CDC42BPB: variants seen among roughly 807,000 people sequenced by gnomAD.
CDC42BPB encodes the protein serine/threonine-protein kinase MRCK beta.
A neutral mutation model predicts 214.9 loss-of-function variants in CDC42BPB; 37 were observed. That is an observed-to-expected ratio of 0.17 (90% CI 0.13 to 0.23). The LOEUF is 0.23. Among genes scored for constraint, CDC42BPB ranks in the 10% least tolerant of loss-of-function variants. The pLI is 1.00. For synonymous variants in CDC42BPB, 931 were observed against 884.0 expected (o/e 1.05, Z -0.94); for missense variants, 1,694 against 2,227.0 (o/e 0.76, Z 4.82).
chr14:103,049,267 A>G (rs934555643), intron 1 of CDC42BPB, among the ~76,000 whole-genome samples: 1 of 152,210 alleles, frequency 6.6e-6, no homozygotes, highest in Non-Finnish European at 1.5e-5. Context: ...GATCTTCTAT[A>G]GTAACATCCC....
rs1894973821 is a variant in CDC42BPB at position 103,001,387 on chromosome 14, C to T, written c.448-1674G>A. On this transcript the variant is annotated intron_variant, in intron 4 of 36. Coordinates refer to ENST00000361246, the MANE Select transcript of CDC42BPB (RefSeq NM_006035.4). This position sits in a 1 kb window ranked among gnomAD's most constrained non-coding sequence, Gnocchi z 5.8. ...ATGGAGAGCAGGCAGTGGTGAGCGC[C>T]AGCTGACCGCAGGCCGCCTGGTGAG... is the stretch of plus-strand genomic sequence containing the variant. Among the ~76,000 whole-genome samples the T allele has an allele frequency of 1.3e-5, 2 of 152,284 alleles. No individual in the cohort carries two copies. Among genetic ancestry groups the T allele is most frequent in the South Asian group, 4.1e-4 (2 of 4,824 alleles).
rs1020956100 is a variant in CDC42BPB at position 102,933,070 on chromosome 14, T to C, written c.*642A>G. On this transcript the variant is annotated 3_prime_UTR_variant, in exon 37 of 37. Transcript: ENST00000361246. The stretch of plus-strand genomic sequence containing the variant: ...GCACAGCTGACTTCACAGTAGTAGA[T>C]ACTGGTGACACTTCATGGCTGCGAC... 41 of 152,564 alleles carry C rather than the reference T, an allele frequency of 2.7e-4. 1 individual carries two copies. The highest frequency in any genetic ancestry group is 3.4e-4 in the Non-Finnish European group (23 of 68,026). 9.5% of individuals were successfully genotyped at this position (152,564 alleles called of 1,614,324 possible).
intron 1 of CDC42BPB, among the ~76,000 whole-genome samples, chr14:103,034,243 C>T (rs1018670038): frequency 1.6e-4 from 24 of 152,146 alleles, no homozygotes; most frequent in African/African-American, 5.3e-4. Flanking sequence ...TAAGGCCAGG[C>T]GTGATGGCTC....
In CDC42BPB at chr14:102,983,751, C is replaced by G. The variant is rs1894112812; in HGVS notation, c.696G>C (p.Gln232His). ...CAGGTGTGCCCACGGCCACGGAGGA[C>G]TGCACCTTAGGGGAGAAGGAGGTGC... ...CLKMNDDGTVQSSVAVGTPDY... is the reference protein window; with the variant it reads ...CLKMNDDGTVHSSVAVGTPDY... The change falls in exon 7 of 37, where the codon CAG (glutamine) becomes CAC (histidine). Residue 232 changes from glutamine (Q) to histidine (H), a missense_variant. Gln to His is a conservative substitution (Grantham distance 24). Coordinates refer to ENST00000361246, the MANE Select transcript of CDC42BPB (RefSeq NM_006035.4). The G allele has an allele frequency of 3.1e-6, 5 of 1,612,490 alleles. No homozygotes were observed. Among genetic ancestry groups the G allele is most frequent in the Non-Finnish European group, 3.4e-6 (4 of 1,180,004 alleles).
chr14:102,983,980 A>T, intron 6 of CDC42BPB: 5 of 713,754 alleles, frequency 7.0e-6, no homozygotes, highest in Non-Finnish European at 8.6e-6. Context: ...GCTTGAGCCC[A>T]GGAGCTCAAG....
chr14:102,973,940 T>C (rs941649767), intron 12 of CDC42BPB, 76 bp downstream of exon 12: 1 of 1,496,344 alleles, frequency 6.7e-7, no homozygotes, highest in Admixed American at 2.2e-5. Flanking sequence ...AGGTCTTCCA[T>C]CATCGGCATG....
chr14:102,954,163 TAAG>T, intron 23 of CDC42BPB, 32 bp downstream of exon 23: 1 of 1,385,910 alleles, frequency 7.2e-7, no homozygotes, highest in Non-Finnish European at 1.0e-6. Flanking sequence ...ACTAAATAAC[TAAG>T]AAGGCGCCCC....
In CDC42BPB at chr14:102,946,325, G is replaced by A. The variant is rs924608059; in HGVS notation, c.3748+143C>T. 46 of 920,048 alleles carry A rather than the reference G, an allele frequency of 5.0e-5. No individual in the cohort carries two copies. The East Asian group carries it at 6.5e-4, about 13-fold the overall frequency. The allele number at this position is 920,048 out of a possible 1,614,324, so 57.0% of individuals were successfully genotyped here. On this transcript the variant is annotated intron_variant, in intron 28 of 36. Coordinates refer to ENST00000361246, the MANE Select transcript of CDC42BPB (RefSeq NM_006035.4). ...GGCGTGAGCCACCGCACCCGGCCTC[G>A]TCTGCTTCTTAACATGCATGGAGAA...
At position 102,941,034 on chromosome 14, in the gene CDC42BPB, A is replaced by G. The variant is rs964006497; in HGVS notation, c.4409-710T>C. 5.9e-6 allele frequency: 5 copies of G among 843,172 alleles called. No individual in the cohort carries two copies. The African/African-American group carries it at 9.2e-5, about 15-fold the overall frequency. 52.2% of individuals were successfully genotyped at this position (843,172 alleles called of 1,614,324 possible). Reference sequence around the variant, plus strand: ...ACCAAGGACTGCAAAGCCTTTGGCCATTTGGAGTTTAAGGGGCTTTCTCCA... The same window carrying G: ...ACCAAGGACTGCAAAGCCTTTGGCCGTTTGGAGTTTAAGGGGCTTTCTCCA... On this transcript the variant is annotated intron_variant, in intron 30 of 36. Coordinates refer to ENST00000361246, the MANE Select transcript of CDC42BPB (RefSeq NM_006035.4).
intron 23 of CDC42BPB, among the ~76,000 whole-genome samples, chr14:102,953,638 G>A (rs767485542): frequency 2.0e-5 from 3 of 152,220 alleles, no homozygotes; most frequent in Admixed American, 6.5e-5. Context: ...TCTGATCTGC[G>A]TTGATGTTTA....
chr14:102,961,026 G>A (rs996395003), intron 20 of CDC42BPB, among the ~76,000 whole-genome samples: 4 of 152,068 alleles, frequency 2.6e-5, no homozygotes, highest in African/African-American at 4.8e-5. Flanking sequence ...AAATAGCCAG[G>A]TGTGGTGGCA....
At chr14:103,055,528 G>A (rs1888897074) in intron 1 of CDC42BPB, among the ~76,000 whole-genome samples, 1 of 152,218 alleles carries the variant, frequency 6.6e-6, no homozygotes, top group Non-Finnish European at 1.5e-5. Context: ...GTTGGAAATC[G>A]TGTCACTGAC....
chr14:102,990,538 T>G (rs547870602), intron 5 of CDC42BPB, among the ~76,000 whole-genome samples: 1 of 152,304 alleles, frequency 6.6e-6, no homozygotes, highest in African/African-American at 2.4e-5. Context: ...TCATGATTCC[T>G]GAGTATGCAC....
In CDC42BPB at chr14:103,004,310, T is replaced by C. The variant is rs10144671; in HGVS notation, c.352-287A>G. 0.037 allele frequency: 19,781 copies of C among 530,508 alleles called. 1,101 individuals are homozygous for C. Among genetic ancestry groups the C allele is most frequent in the African/African-American group, 0.2 (9,823 of 49,928 alleles). 32.9% of individuals were successfully genotyped at this position (530,508 alleles called of 1,614,324 possible). On this transcript the variant is annotated intron_variant, in intron 3 of 36. Coordinates refer to ENST00000361246, the MANE Select transcript of CDC42BPB (RefSeq NM_006035.4). The surrounding 1 kb of genome is among the most constrained non-coding windows in gnomAD (Gnocchi z 5.3). ...CACTTAGATTCACCCCACCCTTATG[T>C]GGATTCCTGACTGGGCTCCTCCCAC...
chr14:102,955,969 T>C (rs565593906), intron 21 of CDC42BPB, among the ~76,000 whole-genome samples: 2 of 152,282 alleles, frequency 1.3e-5, no homozygotes, highest in African/African-American at 4.8e-5. Flanking sequence ...GTACTGCAAA[T>C]TCACAAGGGA....
At position 103,004,816 on chromosome 14, in the gene CDC42BPB, C is replaced by A. The variant is rs1400669624; in HGVS notation, c.352-793G>T. Among the ~76,000 whole-genome samples, 1 of 151,728 alleles carries A rather than the reference C, an allele frequency of 6.6e-6. No individual in the cohort carries two copies. The highest frequency in any genetic ancestry group is 1.5e-5 in the Non-Finnish European group (1 of 67,972). On this transcript the variant is annotated intron_variant, in intron 3 of 36. Transcript: ENST00000361246. This position sits in a 1 kb window ranked among gnomAD's most constrained non-coding sequence, Gnocchi z 5.3. ...CCCAGGAAGCGGAGGTTGCGGTGAG[C>A]CAAAATTGCATCACCGTACTCCAGC...
intron 5 of CDC42BPB, among the ~76,000 whole-genome samples, chr14:102,998,828 A>G (rs899023441): frequency 5.9e-5 from 9 of 152,232 alleles, no homozygotes; most frequent in Admixed American, 2.6e-4. Flanking sequence ...AGAGGGCCCC[A>G]GGCCCCACAC....
chr14:102,978,745 C>T (rs1893869059), intron 8 of CDC42BPB, among the ~76,000 whole-genome samples: 1 of 152,208 alleles, frequency 6.6e-6, no homozygotes, highest in African/African-American at 2.4e-5. Flanking sequence ...GTGGCTCACG[C>T]CTGTAGTCCC....
rs1891508902 is a variant in CDC42BPB at position 102,933,856 on chromosome 14, A to G, written c.5005-13T>C. On this transcript the variant is annotated splice_polypyrimidine_tract_variant and intron_variant, in intron 36 of 36. Coordinates refer to ENST00000361246, the MANE Select transcript of CDC42BPB (RefSeq NM_006035.4). The stretch of plus-strand genomic sequence containing the variant: ...AGTCCGAATCAGGCTGTGAACAGGA[A>G]GAGGGCAGGGTGAGCACCCGCTGCC... 3 of 1,514,408 alleles carry G rather than the reference A, an allele frequency of 2.0e-6. No homozygotes were observed. The highest frequency in any genetic ancestry group is 2.6e-6 in the Non-Finnish European group (3 of 1,138,360). 93.8% of individuals were successfully genotyped at this position (1,514,408 alleles called of 1,614,324 possible).
Sources: gnomAD v4.1 joint callset for allele counts (sites outside exome capture counted in the v4.1 genomes callset) on GRCh38, gnomAD v4.1.1 for gene constraint, Gnocchi (gnomAD v3.1) non-coding constraint, MANE v1.5 for transcripts, NCBI Gene and HGNC (gene_info 2026-07-23, HGNC 2026-07-21) for gene names.